The following PTPRD variants were observed in gnomAD, a reference collection of about 807,000 sequenced individuals.
PTPRD encodes receptor-type tyrosine-protein phosphatase delta.
Under a neutral mutation model 214.5 loss-of-function variants are expected in PTPRD, and 34 were observed. The observed-to-expected ratio is 0.16, with a 90% CI of 0.12 to 0.21. The LOEUF (loss-of-function observed/expected upper bound fraction) is 0.21, where lower values mean the gene tolerates loss of function less well. Among genes scored for constraint, PTPRD ranks in the 10% least tolerant of loss-of-function variants. The pLI is 1.00. For synonymous variants in PTPRD, 1,128 were observed against 845.7 expected, an observed-to-expected ratio of 1.33 and a Z score of -5.79; for missense variants, 2,545 against 2,398.7, an observed-to-expected ratio of 1.06 and a Z score of -1.27.
intron 8 of PTPRD, among the ~76,000 whole-genome samples, chr9:9,570,106 A>G (rs1045795791): frequency 2.0e-5 from 3 of 151,518 alleles, no homozygotes; most frequent in Non-Finnish European, 3.0e-5. Flanking sequence ...ATAGGAAGCA[A>G]AAATTTCCAG....
At chr9:8,657,869 C>T (rs2096944968) in intron 12 of PTPRD, among the ~76,000 whole-genome samples, 1 of 152,102 alleles carries the variant, frequency 6.6e-6, no homozygotes, top group Non-Finnish European at 1.5e-5. Flanking sequence ...ATGATCATAA[C>T]AATTTAGATT....
At chr9:8,802,928 T>C (rs2096600712) in intron 11 of PTPRD, among the ~76,000 whole-genome samples, 1 of 152,164 alleles carries the variant, frequency 6.6e-6, no homozygotes, top group South Asian at 2.1e-4. Context: ...GGCACACACC[T>C]GTAGTCTCAG....
At chr9:9,518,760 AT>A (rs139847011) in intron 8 of PTPRD, among the ~76,000 whole-genome samples, 4,938 of 152,150 alleles carry the variant, frequency 0.032, 123 homozygotes, top group Middle Eastern at 0.051. Context: ...GCACAGTAGA[AT>A]TCTAAGACAG....
chr9:10,076,589 C>A (rs1018905155), intron 3 of PTPRD, among the ~76,000 whole-genome samples: 2 of 152,030 alleles, frequency 1.3e-5, no homozygotes, highest in African/African-American at 2.4e-5. Flanking sequence ...AAAAGCATGG[C>A]CCCTGAGCAG....
At chr9:10,109,701 T>TGG (rs897970080) in intron 3 of PTPRD, among the ~76,000 whole-genome samples, 1 of 152,174 alleles carries the variant, frequency 6.6e-6, no homozygotes, top group African/African-American at 2.4e-5. Context: ...GGTTGAGTGA[T>TGG]GGGGTGTCTG....
intron 3 of PTPRD, among the ~76,000 whole-genome samples, chr9:10,173,202 A>G (rs1426884374): frequency 6.6e-6 from 1 of 152,146 alleles, no homozygotes; most frequent in Admixed American, 6.5e-5. Flanking sequence ...GAAGTGTTGG[A>G]GAATGCTCTT....
intron 2 of PTPRD, among the ~76,000 whole-genome samples, chr9:10,550,585 G>A (rs1260837015): frequency 6.6e-6 from 1 of 152,148 alleles, no homozygotes; most frequent in African/African-American, 2.4e-5. Context: ...AGGAAGGCTG[G>A]TAAAATTAGA....
intron 7 of PTPRD, among the ~76,000 whole-genome samples, chr9:9,578,448 T>C (rs1283685299): frequency 1.3e-5 from 2 of 152,198 alleles, no homozygotes; most frequent in Admixed American, 6.5e-5. Flanking sequence ...CATTACTTCC[T>C]CTTGACTTAA....
intron 3 of PTPRD, among the ~76,000 whole-genome samples, chr9:10,316,299 CTA>C (rs1352257347): frequency 6.6e-6 from 1 of 151,564 alleles, no homozygotes; most frequent in Non-Finnish European, 1.5e-5. Flanking sequence ...TTGTCCTCTA[CTA>C]TAAATGTAAA....
chr9:10,146,786 G>C (rs1008179957), intron 3 of PTPRD, among the ~76,000 whole-genome samples: 3 of 152,116 alleles, frequency 2.0e-5, no homozygotes, highest in Non-Finnish European at 4.4e-5. Flanking sequence ...AAAAAAAAGA[G>C]GTTTGGGGAG....
chr9:10,201,008 G>A (rs1421382935), intron 3 of PTPRD, among the ~76,000 whole-genome samples: 2 of 151,936 alleles, frequency 1.3e-5, no homozygotes, highest in Admixed American at 6.6e-5. Flanking sequence ...GGATAGAGAG[G>A]GAGAAATCAC....
chr9:8,320,019 C>T (rs1181251671), intron 44 of PTPRD, 53 bp from the exon 45 acceptor site: 1 of 1,591,918 alleles, frequency 6.3e-7, no homozygotes, highest in African/African-American at 1.4e-5. Flanking sequence ...CAGTCTTGGC[C>T]ACATTTGCTT....
At chr9:9,591,256 T>G (rs1232044750) in intron 7 of PTPRD, among the ~76,000 whole-genome samples, 2 of 151,802 alleles carry the variant, frequency 1.3e-5, no homozygotes, top group Admixed American at 6.6e-5. Flanking sequence ...GGAGGACATA[T>G]GGAAGGCATG....
intron 12 of PTPRD, among the ~76,000 whole-genome samples, chr9:8,705,660 A>G (rs1412454455): frequency 8.5e-5 from 13 of 152,238 alleles, no homozygotes; most frequent in Non-Finnish European, 1.8e-4. Flanking sequence ...TAACAAATTG[A>G]GAATAAAAAA....
intron 11 of PTPRD, among the ~76,000 whole-genome samples, chr9:8,882,089 TG>T: frequency 6.6e-6 from 1 of 152,194 alleles, no homozygotes. Flanking sequence ...AAAAGCAGTC[TG>T]GAAAAAGTGT....
intron 2 of PTPRD, among the ~76,000 whole-genome samples, chr9:10,540,336 C>A (rs2058820484): frequency 6.6e-6 from 1 of 152,116 alleles, no homozygotes; most frequent in African/African-American, 2.4e-5. Context: ...GCATATTGTT[C>A]TTTTAAATTG....
At chr9:10,157,352 C>T (rs756287642) in intron 3 of PTPRD, among the ~76,000 whole-genome samples, 2 of 152,160 alleles carry the variant, frequency 1.3e-5, no homozygotes, top group Non-Finnish European at 2.9e-5. Context: ...TCTTCATTTG[C>T]TTGTCTAAAA....
intron 4 of PTPRD, among the ~76,000 whole-genome samples, chr9:9,948,424 C>T (rs961026234): frequency 1.3e-5 from 2 of 151,922 alleles, no homozygotes; most frequent in Admixed American, 6.6e-5. Flanking sequence ...AACAACATGC[C>T]TGAAAAAGAA....
intron 8 of PTPRD, among the ~76,000 whole-genome samples, chr9:9,531,627 C>T (rs753395878): frequency 9.2e-5 from 14 of 152,180 alleles, no homozygotes; most frequent in Non-Finnish European, 2.1e-4. Flanking sequence ...TAGTACTCCT[C>T]GCACAGATTA....
Sources: allele counts gnomAD v4.1 joint callset (sites outside exome capture counted in the v4.1 genomes callset), GRCh38; gene constraint gnomAD v4.1.1; transcripts MANE v1.5; gene names NCBI Gene and HGNC (gene_info 2026-07-23, HGNC 2026-07-21).